WWC1: variants seen among roughly 807,000 people sequenced by gnomAD.
WWC1 encodes protein KIBRA.
WWC1 carries 55 observed loss-of-function variants against 138.4 expected under a neutral mutation model. The ratio of observed to expected loss-of-function variants is 0.40; its 90% CI spans 0.32 to 0.50. WWC1 has a LOEUF of 0.50. Among genes scored for constraint, WWC1 ranks in the 20% least tolerant of loss-of-function variants. The probability of loss-of-function intolerance (pLI) is 0.72; values close to 1 mark genes in which losing one functional copy is unlikely to be tolerated. For missense variants in WWC1, 1,226 were observed against 1,420.4 expected, an observed-to-expected ratio of 0.86 and a Z score of 2.20; for synonymous variants, 524 against 564.9, an observed-to-expected ratio of 0.93 and a Z score of 1.03.
In WWC1 at chr5:168,292,164, G is replaced by A. The variant is rs924644077; in HGVS notation, c.12G>A (p.Pro4=). The A allele has an allele frequency of 1.2e-5, 19 of 1,541,018 alleles. No homozygotes were observed. Among genetic ancestry groups the A allele is most frequent in the Middle Eastern group, 3.4e-4 (2 of 5,940 alleles). The change falls in exon 1 of 23, where the codon CCG becomes CCA. Residue 4 remains proline, a synonymous_variant. Transcript: ENST00000265293. The surrounding 1 kb of genome is among the most constrained non-coding windows in gnomAD (Gnocchi z 4.4). Reference sequence around the variant, plus strand: ...CAGCGCTTGGGAAGATGCCCCGGCCGGAGCTGCCCCTGCCGGAGGGCTGGG... The same window carrying A: ...CAGCGCTTGGGAAGATGCCCCGGCCAGAGCTGCCCCTGCCGGAGGGCTGGG... MPR[P]ELPLPEGWEE... is the part of the protein sequence containing the mutation.
chr5:168,336,908 C>T (rs1773523198), intron 1 of WWC1, among the ~76,000 whole-genome samples: 1 of 152,148 alleles, frequency 6.6e-6, no homozygotes, highest in South Asian at 2.1e-4. Flanking sequence ...AGTGGTGACG[C>T]CGACTTCAGA....
At chr5:168,376,664 C>A (rs11134508) in intron 2 of WWC1, among the ~76,000 whole-genome samples, 1 of 150,620 alleles carries the variant, frequency 6.6e-6, no homozygotes, top group African/African-American at 2.5e-5. Flanking sequence ...AAATCAAGAA[C>A]GCAATCCCAT....
intron 20 of WWC1, among the ~76,000 whole-genome samples, chr5:168,463,796 G>T (rs1315129552): frequency 6.6e-6 from 1 of 152,108 alleles, no homozygotes; most frequent in African/African-American, 2.4e-5. Context: ...TTGATCCAGA[G>T]GTTGAAATGA....
At chr5:168,410,158 T>A (rs941576556) in intron 8 of WWC1, 163 bp downstream of exon 8, 5 of 738,858 alleles carry the variant, frequency 6.8e-6, no homozygotes, top group Non-Finnish European at 1.1e-5. Context: ...CTCTCTGAAA[T>A]TCAGAGAGGA....
At chr5:168,367,960 C>CACAT (rs1776442783) in intron 1 of WWC1, among the ~76,000 whole-genome samples, 2 of 151,912 alleles carry the variant, frequency 1.3e-5, no homozygotes, top group Admixed American at 1.3e-4. Context: ...CTAACACACA[C>CACAT]ACACACACTC....
At chr5:168,340,960 T>G (rs1233877137) in intron 1 of WWC1, among the ~76,000 whole-genome samples, 2 of 152,176 alleles carry the variant, frequency 1.3e-5, no homozygotes, top group African/African-American at 4.8e-5. Flanking sequence ...TAATTAGAAC[T>G]CAGGTAGTCT....
chr5:168,341,622 C>T (rs994084010), intron 1 of WWC1, among the ~76,000 whole-genome samples: 2 of 152,002 alleles, frequency 1.3e-5, no homozygotes, highest in African/African-American at 4.8e-5. Context: ...TTTTCATCTC[C>T]TCTCCTCTAG....
chr5:168,318,951 A>G (rs952651267), intron 1 of WWC1, among the ~76,000 whole-genome samples: 1 of 152,198 alleles, frequency 6.6e-6, no homozygotes, highest in East Asian at 1.9e-4. Context: ...AAGCTGAATA[A>G]TGTTTCATTG....
At chr5:168,442,937 T>C (rs1328976343) in intron 16 of WWC1, among the ~76,000 whole-genome samples, 2 of 152,188 alleles carry the variant, frequency 1.3e-5, no homozygotes, top group African/African-American at 4.8e-5. Context: ...CTTTAATGTA[T>C]TAAAATATCC....
chr5:168,333,737 C>T (rs1483674520), intron 1 of WWC1, among the ~76,000 whole-genome samples: 1 of 152,104 alleles, frequency 6.6e-6, no homozygotes, highest in Admixed American at 6.6e-5. Context: ...TTTATCAGCC[C>T]AGGTTCATTA....
At chr5:168,325,298 G>T (rs1403923372) in intron 1 of WWC1, among the ~76,000 whole-genome samples, 2 of 152,204 alleles carry the variant, frequency 1.3e-5, no homozygotes, top group Non-Finnish European at 2.9e-5. Context: ...CACGTGTGAT[G>T]CCAGTCAGGA....
chr5:168,383,792 C>T (rs1370355209), intron 2 of WWC1, among the ~76,000 whole-genome samples: 5 of 152,150 alleles, frequency 3.3e-5, no homozygotes, highest in Non-Finnish European at 7.3e-5. Context: ...TTGTTGATCA[C>T]CCCTAACACC....
At chr5:168,430,827 T>C (rs1008648300) in intron 14 of WWC1, among the ~76,000 whole-genome samples, 2 of 152,150 alleles carry the variant, frequency 1.3e-5, no homozygotes, top group Non-Finnish European at 2.9e-5. Flanking sequence ...CAGAAGCTTA[T>C]GTGTCTGTGG....
At chr5:168,449,575 T>C (rs1456657193) in intron 17 of WWC1, among the ~76,000 whole-genome samples, 1 of 147,434 alleles carries the variant, frequency 6.8e-6, no homozygotes, top group East Asian at 2.0e-4. Context: ...CAGCTCTTTT[T>C]TTTTTTTTTT....
chr5:168,417,753 G>C (rs1780769989), intron 9 of WWC1, among the ~76,000 whole-genome samples: 1 of 152,228 alleles, frequency 6.6e-6, no homozygotes, highest in Non-Finnish European at 1.5e-5. Context: ...CCTGGTAGGA[G>C]GGTGCTTGGG....
At chr5:168,397,691 A>G (rs375324026) in intron 3 of WWC1, 33 bp from the exon 4 acceptor site, 75 of 1,611,556 alleles carry the variant, frequency 4.7e-5, no homozygotes, top group Non-Finnish European at 6.0e-5. Context: ...TGTTTCTTCT[A>G]CTGATATTCT....
At chr5:168,326,774 A>G (rs1006825591) in intron 1 of WWC1, among the ~76,000 whole-genome samples, 2 of 137,456 alleles carry the variant, frequency 1.5e-5, no homozygotes, top group African/African-American at 2.7e-5. Flanking sequence ...TCCTGACCTC[A>G]TGATCTGCCT....
At position 168,393,166 on chromosome 5, in the gene WWC1, G is replaced by A. The variant is rs73805115; in HGVS notation, c.434-4558G>A. 9.3e-3 allele frequency among the ~76,000 whole-genome samples: 1,417 copies of A among 152,264 alleles called. 27 individuals are homozygous for A. The highest frequency in any genetic ancestry group is 0.032 in the African/African-American group (1,342 of 41,554). On this transcript the variant is annotated intron_variant, in intron 3 of 22. Coordinates refer to ENST00000265293, the MANE Select transcript of WWC1 (RefSeq NM_015238.3). ...GAAATCTACTATCTGAGGAAAATAT[G>A]TTCCAGATAGAACAGAGGAAACAGA...
intron 1 of WWC1, among the ~76,000 whole-genome samples, chr5:168,341,699 A>AT (rs1162777829): frequency 1.5e-3 from 166 of 111,464 alleles, no homozygotes; most frequent in African/African-American, 4.5e-3. Flanking sequence ...TCATTTGCTG[A>AT]TTTAAAAAAA....
Sources: gnomAD v4.1 joint callset for allele counts (sites outside exome capture counted in the v4.1 genomes callset) on GRCh38, gnomAD v4.1.1 for gene constraint, Gnocchi (gnomAD v3.1) non-coding constraint, MANE v1.5 for transcripts, NCBI Gene and HGNC (gene_info 2026-07-23, HGNC 2026-07-21) for gene names.